The following ZC2HC1B variants were observed in gnomAD, a reference collection of about 807,000 sequenced individuals.
The protein encoded by ZC2HC1B is zinc finger C2HC domain-containing protein 1B.
A neutral mutation model predicts 31.0 loss-of-function variants in ZC2HC1B; 36 were observed. The ratio of observed to expected loss-of-function variants is 1.16; its 90% CI spans 0.89 to 1.54. The LOEUF is 1.54. Among genes scored for constraint, ZC2HC1B ranks in the 40% most tolerant of loss-of-function variants. The probability of loss-of-function intolerance (pLI) is 0.00; values close to 1 mark genes in which losing one functional copy is unlikely to be tolerated. For synonymous variants in ZC2HC1B, 73 were observed against 88.0 expected, an observed-to-expected ratio of 0.83 and a Z score of 0.95; for missense variants, 260 against 268.6, an observed-to-expected ratio of 0.97 and a Z score of 0.22.
At chr6:143,892,152 C>T (rs1777609072) in intron 4 of ZC2HC1B, among the ~76,000 whole-genome samples, 1 of 152,070 alleles carries the variant, frequency 6.6e-6, no homozygotes, top group Non-Finnish European at 1.5e-5. Flanking sequence ...GCAGGTTGTA[C>T]AAGAAGCATG....
intron 1 of ZC2HC1B, among the ~76,000 whole-genome samples, chr6:143,880,433 T>C (rs1375349979): frequency 6.6e-6 from 1 of 152,218 alleles, no homozygotes; most frequent in Non-Finnish European, 1.5e-5. Flanking sequence ...CTAAAAGTAA[T>C]ATTCATCTTT....
rs1412125785 is a variant in ZC2HC1B at position 143,872,098 on chromosome 6, G to A, written c.28+7531G>A. 6.6e-6 allele frequency among the ~76,000 whole-genome samples: 1 copy of A among 152,128 alleles called. No homozygotes were observed. Among genetic ancestry groups the A allele is most frequent in the Admixed American group, 6.5e-5 (1 of 15,274 alleles). On this transcript the variant is annotated intron_variant, in intron 1 of 7. Transcript: ENST00000237275. The surrounding 1 kb of genome is among the most constrained non-coding windows in gnomAD (Gnocchi z 5.5). ...CAATGCATAGTTACCCTGGTACAAG[G>A]CCAGAGGTCTTCTTGGGGAAGGATG...
intron 6 of ZC2HC1B, among the ~76,000 whole-genome samples, chr6:143,912,901 ACAACACAGGC>A (rs1745183918): frequency 6.6e-6 from 1 of 152,188 alleles, no homozygotes. Flanking sequence ...TGTCCCAGGG[ACAACACAGGC>A]CAGGGTGACC....
Position 143,905,246 on chromosome 6 carries a change from C to A in ZC2HC1B, c.598+2094C>A, listed in dbSNP as rs1777780180. Among the ~76,000 whole-genome samples, 1 of 152,164 alleles carries A rather than the reference C, an allele frequency of 6.6e-6. No homozygotes were observed. Among genetic ancestry groups the A allele is most frequent in the Admixed American group, 6.5e-5 (1 of 15,268 alleles). On this transcript the variant is annotated intron_variant, in intron 6 of 7. Coordinates refer to ENST00000237275, the MANE Select transcript of ZC2HC1B (RefSeq NM_001013623.3). This position sits in a 1 kb window ranked among gnomAD's most constrained non-coding sequence, Gnocchi z 4.2. ...TTATGTCCTCTTTAATTTCTTTCAG[C>A]AATGTTTTGTAGTTTTCATTGTACA...
chr6:143,893,510 T>C (rs1777624968), intron 4 of ZC2HC1B, among the ~76,000 whole-genome samples: 1 of 152,004 alleles, frequency 6.6e-6, no homozygotes, highest in South Asian at 2.1e-4. Context: ...GAGGTTGCAG[T>C]GAGCAGAGAT....
rs1009371158 is a variant in ZC2HC1B at position 143,934,539 on chromosome 6, G to T, written c.599-3110G>T. Among the ~76,000 whole-genome samples, 1 of 152,120 alleles carries T rather than the reference G, an allele frequency of 6.6e-6. No individual in the cohort carries two copies. On this transcript the variant is annotated intron_variant, in intron 6 of 7. Coordinates refer to ENST00000237275, the MANE Select transcript of ZC2HC1B (RefSeq NM_001013623.3). This position sits in a 1 kb window ranked among gnomAD's most constrained non-coding sequence, Gnocchi z 4.6. The stretch of plus-strand genomic sequence containing the variant: ...ATTTTTATGTTTCTTGTGTTCCTAT[G>T]CCAATATCTCTGCATCTGGTGTAAC...
At chr6:143,875,055 A>G (rs1021612937) in intron 1 of ZC2HC1B, among the ~76,000 whole-genome samples, 10 of 151,988 alleles carry the variant, frequency 6.6e-5, no homozygotes, top group African/African-American at 2.4e-4. Context: ...GTGGTCTCGA[A>G]CTCCTGACCT....
intron 6 of ZC2HC1B, among the ~76,000 whole-genome samples, chr6:143,928,281 TA>T (rs1778074464): frequency 6.6e-6 from 1 of 152,188 alleles, no homozygotes; most frequent in African/African-American, 2.4e-5. Context: ...TAACTCATCT[TA>T]ATTTTTGTAT....
At position 143,905,537 on chromosome 6, in the gene ZC2HC1B, A is replaced by G. The variant is rs1421315243; in HGVS notation, c.598+2385A>G. Among the ~76,000 whole-genome samples, 1 of 152,126 alleles carries G rather than the reference A, an allele frequency of 6.6e-6. No homozygotes were observed. Among genetic ancestry groups the G allele is most frequent in the African/African-American group, 2.4e-5 (1 of 41,428 alleles). On this transcript the variant is annotated intron_variant, in intron 6 of 7. Transcript: ENST00000237275. This position sits in a 1 kb window ranked among gnomAD's most constrained non-coding sequence, Gnocchi z 4.2. ...TTTTACTTCCTCCTTTCCAATTTGG[A>G]TGCCTTTTAATTTTTTTCTTCCTAA...
intron 6 of ZC2HC1B, among the ~76,000 whole-genome samples, chr6:143,932,300 G>A (rs183942527): frequency 1.3e-5 from 2 of 152,252 alleles, no homozygotes; most frequent in Admixed American, 6.5e-5. Flanking sequence ...ATTATTTTAG[G>A]TTTGGCTGTT....
intron 6 of ZC2HC1B, among the ~76,000 whole-genome samples, chr6:143,927,216 T>A (rs79586628): frequency 2.0e-4 from 30 of 152,260 alleles, no homozygotes; most frequent in African/African-American, 7.0e-4. Context: ...TATTGCGTAG[T>A]GTTGAGGTCT....
intron 1 of ZC2HC1B, among the ~76,000 whole-genome samples, chr6:143,873,146 G>A (rs1406426318): frequency 6.6e-6 from 1 of 152,212 alleles, no homozygotes; most frequent in African/African-American, 2.4e-5. Flanking sequence ...TCAAATGGGA[G>A]AAACTGGCCA....
intron 6 of ZC2HC1B, among the ~76,000 whole-genome samples, chr6:143,920,966 T>C (rs2128496913): frequency 6.6e-6 from 1 of 150,758 alleles, no homozygotes; most frequent in South Asian, 2.1e-4. Flanking sequence ...GCTCACCTTC[T>C]CCTATTTCTC....
intron 6 of ZC2HC1B, among the ~76,000 whole-genome samples, chr6:143,929,763 C>T (rs1274814184): frequency 2.0e-5 from 3 of 152,050 alleles, no homozygotes; most frequent in Non-Finnish European, 4.4e-5. Context: ...AATCATATCT[C>T]ACTACTTATT....
At chr6:143,889,443 T>C (rs1777571024) in intron 4 of ZC2HC1B, among the ~76,000 whole-genome samples, 1 of 152,004 alleles carries the variant, frequency 6.6e-6, no homozygotes, top group African/African-American at 2.4e-5. Flanking sequence ...ACTATAAGTA[T>C]TCCATAAGAA....
chr6:143,883,942 A>G lies in ZC2HC1B; in HGVS notation c.29-362A>G, dbSNP rs577980147. On this transcript the variant is annotated intron_variant, in intron 1 of 7. Coordinates refer to ENST00000237275, the MANE Select transcript of ZC2HC1B (RefSeq NM_001013623.3). This position sits in a 1 kb window ranked among gnomAD's most constrained non-coding sequence, Gnocchi z 4.1. ...AACTTACATTCTAGTAGGAGTCCCA[A>G]AGATGTTACCACTGGTGGTAAAAAT... 6.6e-6 allele frequency among the ~76,000 whole-genome samples: 1 copy of G among 152,340 alleles called. No individual in the cohort carries two copies. The highest frequency in any genetic ancestry group is 2.1e-4 in the South Asian group (1 of 4,830).
At chr6:143,897,448 A>G (rs1290972764) in intron 4 of ZC2HC1B, among the ~76,000 whole-genome samples, 1 of 151,030 alleles carries the variant, frequency 6.6e-6, no homozygotes, top group Non-Finnish European at 1.5e-5. Flanking sequence ...CCCACTTCTC[A>G]TTTCTCTCCG....
At position 143,903,030 on chromosome 6, in the gene ZC2HC1B, TTCTC is replaced by T; in HGVS notation, c.490-8_490-5del. On this transcript the variant is annotated splice_polypyrimidine_tract_variant and intron_variant, in intron 5 of 7. Transcript: ENST00000237275. This position sits in a 1 kb window ranked among gnomAD's most constrained non-coding sequence, Gnocchi z 4.3. ...GAAGGTGTTCTCTTTGTCTCTTTCT[TTCTC>T]TCTCTGTAGGGTAGGGCTCAGATGG... 1.3e-6 allele frequency: 2 copies of T among 1,551,152 alleles called. No homozygotes were observed. The highest frequency in any genetic ancestry group is 1.7e-6 in the Non-Finnish European group (2 of 1,146,676).
At chr6:143,906,442 AT>A (rs1023086757) in intron 6 of ZC2HC1B, among the ~76,000 whole-genome samples, 26 of 149,580 alleles carry the variant, frequency 1.7e-4, no homozygotes, top group African/African-American at 5.4e-4. Context: ...TTTAATTTTA[AT>A]TTTTTTTTGT....
Sources: gnomAD v4.1 joint callset for allele counts (sites outside exome capture counted in the v4.1 genomes callset) on GRCh38, gnomAD v4.1.1 for gene constraint, Gnocchi (gnomAD v3.1) non-coding constraint, MANE v1.5 for transcripts, NCBI Gene and HGNC (gene_info 2026-07-23, HGNC 2026-07-21) for gene names.